The following MGAT4C variants were observed in gnomAD, a reference collection of about 807,000 sequenced individuals.
The protein encoded by MGAT4C is alpha-1,3-mannosyl-glycoprotein 4-beta-N-acetylglucosaminyltransferase C.
MGAT4C carries 19 observed loss-of-function variants against 40.1 expected under a neutral mutation model. That is an observed-to-expected ratio of 0.47 (90% confidence interval 0.33 to 0.70). The LOEUF is 0.70. MGAT4C is among the 30% of genes least tolerant of loss of function. The probability of loss-of-function intolerance (pLI) is 0.02; values close to 1 mark genes in which losing one functional copy is unlikely to be tolerated. For missense variants in MGAT4C, 491 were observed against 563.2 expected (o/e 0.87, Z 1.30); for synonymous variants, 181 against 187.1 (o/e 0.97, Z 0.27).
intron 1 of MGAT4C, among the ~76,000 whole-genome samples, chr12:86,768,092 T>C (rs376143951): frequency 1.3e-5 from 2 of 152,156 alleles, no homozygotes; most frequent in African/African-American, 2.4e-5. Context: ...TGTTTGCAGA[T>C]GACATGATTG....
In MGAT4C at chr12:86,103,036, G is replaced by A. The variant is rs11117189; in HGVS notation, c.-56-53313C>T. ...TTACGTATTTTTATTTTAAGAAGAA[G>A]AGCTGCATTTCAAGTATTTTTGGCA... On this transcript the variant is annotated intron_variant, in intron 1 of 4. Transcript: ENST00000611864. Among the ~76,000 whole-genome samples, 1,021 of 152,188 alleles carry A rather than the reference G, an allele frequency of 6.7e-3. 4 individuals are homozygous for A. The highest frequency in any genetic ancestry group is 0.01 in the Non-Finnish European group (696 of 68,000).
chr12:86,526,137 A>G (rs1364133249), intron 2 of MGAT4C, among the ~76,000 whole-genome samples: 1 of 152,064 alleles, frequency 6.6e-6, no homozygotes, highest in African/African-American at 2.4e-5. Context: ...GCTGTTGGGC[A>G]AGGGTGGTTG....
At chr12:86,624,596 A>C (rs1251341742) in intron 2 of MGAT4C, among the ~76,000 whole-genome samples, 2 of 152,150 alleles carry the variant, frequency 1.3e-5, no homozygotes, top group African/African-American at 2.4e-5. Context: ...GTCCCTACAC[A>C]ATCAAACAGC....
chr12:86,806,440 G>T (rs1379931277), intron 1 of MGAT4C, among the ~76,000 whole-genome samples: 1 of 90,380 alleles, frequency 1.1e-5, no homozygotes, highest in African/African-American at 3.1e-5. Context: ...CTGTGTGTGT[G>T]TGTGTGTGTG....
In MGAT4C at chr12:85,963,465, G is replaced by A. The variant is rs537334871; in HGVS notation, c.*15824C>T. The A allele has an allele frequency of 3.3e-5, 5 of 151,910 alleles. No individual in the cohort carries two copies. In the South Asian group the frequency reaches 1.0e-3, roughly 32 times the overall value. The allele number at this position is 151,910 out of a possible 1,614,324, so 9.4% of individuals were successfully genotyped here. A position where few individuals can be genotyped will look rare whatever the true frequency, so the allele number is the denominator to read the frequency against. On this transcript the variant is annotated 3_prime_UTR_variant, in exon 5 of 5. Transcript: ENST00000611864. ...ACACATACACACAGACACACACAGAGTTTGCTTATAAGCTCAGGAAGCTTA... is the reference window on the plus strand; with the variant it reads ...ACACATACACACAGACACACACAGAATTTGCTTATAAGCTCAGGAAGCTTA...
At chr12:86,058,207 A>T (rs984247455) in intron 1 of MGAT4C, among the ~76,000 whole-genome samples, 3 of 152,274 alleles carry the variant, frequency 2.0e-5, no homozygotes, top group Admixed American at 2.0e-4. Context: ...AAATGCTATA[A>T]TAAATCTGCT....
intron 1 of MGAT4C, among the ~76,000 whole-genome samples, chr12:86,780,477 TAGTG>T (rs1419882442): frequency 6.6e-6 from 1 of 152,152 alleles, no homozygotes; most frequent in Non-Finnish European, 1.5e-5. Context: ...GTTCTCATGA[TAGTG>T]AGTGAGTTCT....
intron 2 of MGAT4C, among the ~76,000 whole-genome samples, chr12:86,474,303 T>C (rs1356634306): frequency 1.5e-5 from 2 of 136,944 alleles, no homozygotes; most frequent in Non-Finnish European, 3.0e-5. Flanking sequence ...TTCTCACTCA[T>C]AGGTGAGAAT....
chr12:86,722,018 C>T (rs189828773), intron 2 of MGAT4C, among the ~76,000 whole-genome samples: 20 of 152,168 alleles, frequency 1.3e-4, no homozygotes, highest in African/African-American at 4.3e-4. Context: ...ATGTCAAGCT[C>T]TTACATCCTA....
At chr12:86,632,530 G>A (rs1000522309) in intron 2 of MGAT4C, among the ~76,000 whole-genome samples, 1 of 152,084 alleles carries the variant, frequency 6.6e-6, no homozygotes, top group Non-Finnish European at 1.5e-5. Context: ...TGATAGACTG[G>A]ATTAAGAAAA....
At chr12:86,513,813 G>A (rs1339824207) in intron 2 of MGAT4C, among the ~76,000 whole-genome samples, 1 of 152,112 alleles carries the variant, frequency 6.6e-6, no homozygotes, top group Non-Finnish European at 1.5e-5. Context: ...TGTAAGAAAA[G>A]TGAGTTATAT....
chr12:86,626,440 C>T (rs1340882358), intron 2 of MGAT4C, among the ~76,000 whole-genome samples: 1 of 152,084 alleles, frequency 6.6e-6, no homozygotes, highest in Non-Finnish European at 1.5e-5. Context: ...ATCAGACAAC[C>T]TTAATATGTT....
intron 1 of MGAT4C, among the ~76,000 whole-genome samples, chr12:86,084,724 A>T (rs980250110): frequency 3.0e-5 from 4 of 135,148 alleles, no homozygotes; most frequent in Non-Finnish European, 4.9e-5. Flanking sequence ...TTTTCTTATT[A>T]AAAAAAAAAA....
intron 2 of MGAT4C, among the ~76,000 whole-genome samples, chr12:86,539,473 G>T (rs1029624904): frequency 2.8e-4 from 43 of 152,072 alleles, no homozygotes; most frequent in African/African-American, 9.9e-4. Flanking sequence ...GAATAGTGCC[G>T]CAATAAACAT....
At chr12:86,523,422 A>G (rs1017653613) in intron 2 of MGAT4C, among the ~76,000 whole-genome samples, 1 of 152,112 alleles carries the variant, frequency 6.6e-6, no homozygotes, top group African/African-American at 2.4e-5. Flanking sequence ...ATTAGTCTTG[A>G]TTTATAATTT....
chr12:86,272,446 A>G (rs1470449938), intron 4 of MGAT4C, among the ~76,000 whole-genome samples: 1 of 152,186 alleles, frequency 6.6e-6, no homozygotes, highest in Non-Finnish European at 1.5e-5. Context: ...CCATGATACA[A>G]TATTGTTAAG....
At chr12:86,587,416 G>GGATT (rs1242663173) in intron 2 of MGAT4C, among the ~76,000 whole-genome samples, 5 of 152,072 alleles carry the variant, frequency 3.3e-5, no homozygotes, top group African/African-American at 1.2e-4. Context: ...TTTTGGCTTA[G>GGATT]GATTGACTTG....
At chr12:86,736,686 T>C (rs1198436498) in intron 1 of MGAT4C, among the ~76,000 whole-genome samples, 1 of 151,780 alleles carries the variant, frequency 6.6e-6, no homozygotes, top group East Asian at 1.9e-4. Flanking sequence ...AGAAGTCTTC[T>C]GTACTATGTC....
chr12:86,461,236 CTTTTTT>C, intron 2 of MGAT4C, among the ~76,000 whole-genome samples: 1 of 132,664 alleles, frequency 7.5e-6, no homozygotes, highest in South Asian at 2.4e-4. Flanking sequence ...TACACATCTT[CTTTTTT>C]TTTTTTTTTT....
Sources: gnomAD v4.1 joint callset for allele counts (sites outside exome capture counted in the v4.1 genomes callset) on GRCh38, gnomAD v4.1.1 for gene constraint, MANE v1.5 for transcripts, NCBI Gene and HGNC (gene_info 2026-07-23, HGNC 2026-07-21) for gene names.